The following SOST variants were observed in gnomAD, a reference collection of about 807,000 sequenced individuals.
SOST encodes sclerosteosis.
Under a neutral mutation model 16.7 loss-of-function variants are expected in SOST, and 14 were observed. The ratio of observed to expected loss-of-function variants is 0.84; its 90% CI spans 0.55 to 1.31. SOST has a LOEUF of 1.31. Among genes scored for constraint, SOST ranks in the 50% most tolerant of loss-of-function variants. The probability of loss-of-function intolerance (pLI) is 0.00; values close to 1 mark genes in which losing one functional copy is unlikely to be tolerated. For missense variants in SOST, 291 were observed against 310.7 expected, an observed-to-expected ratio of 0.94 and a Z score of 0.48; for synonymous variants, 150 against 140.9, an observed-to-expected ratio of 1.06 and a Z score of -0.46.
intron 1 of SOST, 152 bp downstream of exon 1, chr17:43,758,370 C>G: frequency 1.5e-6 from 1 of 669,292 alleles, no homozygotes; most frequent in East Asian, 2.7e-5. Flanking sequence ...AGCCATTCTT[C>G]CCCCACCTCC....
chr17:43,755,522 C>T lies in SOST; in HGVS notation c.462G>A (p.Pro154=). The T allele has an allele frequency of 6.3e-7, 1 of 1,596,188 alleles. No individual in the cohort carries two copies. Among genetic ancestry groups the T allele is most frequent in the Non-Finnish European group, 8.5e-7 (1 of 1,177,868 alleles). The change falls in exon 2 of 2, where the codon CCG becomes CCA. Residue 154 remains proline, a synonymous_variant. Coordinates refer to ENST00000301691, the MANE Select transcript of SOST (RefSeq NM_025237.3). This position sits in a 1 kb window ranked among gnomAD's most constrained non-coding sequence, Gnocchi z 4.3. ...CCACCAGGCGCACCTTGCGCGCGCGCGGCGCCTCACCACCGGGACACAGCA... is the reference window on the plus strand; with the variant it reads ...CCACCAGGCGCACCTTGCGCGCGCGTGGCGCCTCACCACCGGGACACAGCA... ...VQLLCPGGEA[P]RARKVRLVAS...
Position 43,755,017 on chromosome 17 carries a change from C to T in SOST, c.*325G>A, listed in dbSNP as rs774855640. ...CACTCCCACACCGCTCCCTTAAAACCCCAGGGCGGTGAAAATGCTTCCATT... is the reference window on the plus strand; with the variant it reads ...CACTCCCACACCGCTCCCTTAAAACTCCAGGGCGGTGAAAATGCTTCCATT... On this transcript the variant is annotated 3_prime_UTR_variant, in exon 2 of 2. Coordinates refer to ENST00000301691, the MANE Select transcript of SOST (RefSeq NM_025237.3). The surrounding 1 kb of genome is among the most constrained non-coding windows in gnomAD (Gnocchi z 4.3). 2.9e-6 allele frequency: 1 copy of T among 343,566 alleles called. No homozygotes were observed. The highest frequency in any genetic ancestry group is 5.2e-6 in the Non-Finnish European group (1 of 190,868). The allele number at this position is 343,566 out of a possible 1,614,324, so 21.3% of individuals were successfully genotyped here. A position where few individuals can be genotyped will look rare whatever the true frequency, so the allele number is the denominator to read the frequency against.
rs1201235150 is a variant in SOST, at chr17:43,755,665, C to A, written c.319G>T (p.Gly107Cys). 4.5e-6 allele frequency: 7 copies of A among 1,568,816 alleles called. No homozygotes were observed. The highest frequency in any genetic ancestry group is 1.8e-5 in the Admixed American group (1 of 55,024). ...AKPVTELVCSGQCGPARLLPN... is the reference protein window; with the variant it reads ...AKPVTELVCSCQCGPARLLPN... ...AGCAGGCGCGCCGGGCCGCACTGGCCGGAGCACACCAGCTCGGTGACCGGC... is the reference window on the plus strand; with the variant it reads ...AGCAGGCGCGCCGGGCCGCACTGGCAGGAGCACACCAGCTCGGTGACCGGC... Residue 107 changes from glycine (G) to cysteine (C), a missense_variant, in exon 2 of 2, where the codon GGC (glycine) becomes TGC (cysteine). Transcript: ENST00000301691. The surrounding 1 kb of genome is among the most constrained non-coding windows in gnomAD (Gnocchi z 4.3).
chr17:43,754,723 G>C lies in SOST; in HGVS notation c.*619C>G, dbSNP rs776180611. On this transcript the variant is annotated 3_prime_UTR_variant, in exon 2 of 2. Transcript: ENST00000301691. The stretch of plus-strand genomic sequence containing the variant: ...TCTCTCACCTCTGCCCATTCAAAAG[G>C]CACTGGAGTCCTTGGAATCATATGC... 4 of 151,892 alleles carry C rather than the reference G, an allele frequency of 2.6e-5. No individual in the cohort carries two copies. Among genetic ancestry groups the C allele is most frequent in the Non-Finnish European group, 2.9e-5 (2 of 67,974 alleles). 9.4% of individuals were successfully genotyped at this position (151,892 alleles called of 1,614,324 possible).
In SOST at chr17:43,755,344, A is replaced by G; in HGVS notation, c.640T>C (p.Ter214GlnextTer64). The G allele has an allele frequency of 1.3e-6, 2 of 1,579,274 alleles. No individual in the cohort carries two copies. Among genetic ancestry groups the G allele is most frequent in the Non-Finnish European group, 1.7e-6 (2 of 1,172,192 alleles). ...ANQAELENAY* is the reference protein window; with the variant it reads ...ANQAELENAYQ ...GTGGGGAGGGGCGCGGGCGGGCTCT[A>G]GTAGGCGTTCTCCAGCTCGGCCTGG... The change falls in exon 2 of 2, where the codon TAG becomes CAG. Residue 214 changes from the stop codon to glutamine, a stop_lost. Coordinates refer to ENST00000301691, the MANE Select transcript of SOST (RefSeq NM_025237.3). This position sits in a 1 kb window ranked among gnomAD's most constrained non-coding sequence, Gnocchi z 4.3.
chr17:43,757,092 A>G (rs1974138501), intron 1 of SOST, among the ~76,000 whole-genome samples: 1 of 152,140 alleles, frequency 6.6e-6, no homozygotes, highest in Admixed American at 6.5e-5. Context: ...GCTGGTTTGC[A>G]TCCTCACCTC....
In SOST at chr17:43,753,993, CT is replaced by C. The variant is rs563385804; in HGVS notation, c.*1348del. ...ATATGTCATGTGCTTCTGTTTAAAA[CT>C]TTTTTTTTTTAACAATTAAAAACTA... is the stretch of plus-strand genomic sequence containing the variant. On this transcript the variant is annotated 3_prime_UTR_variant, in exon 2 of 2. Coordinates refer to ENST00000301691, the MANE Select transcript of SOST (RefSeq NM_025237.3). 0.074 allele frequency: 10,976 copies of C among 148,718 alleles called. 1,337 individuals are homozygous for C. The highest frequency in any genetic ancestry group is 0.25 in the African/African-American group (10,391 of 40,848). 9.2% of individuals were successfully genotyped at this position (148,718 alleles called of 1,614,324 possible).
At position 43,755,188 on chromosome 17, in the gene SOST, G is replaced by T; in HGVS notation, c.*154C>A. ...TGAGGGGGGCCTTGCCGGCGCCCGG[G>T]ATTCCTCAGGGCCTGGAAGGTCTCA... On this transcript the variant is annotated 3_prime_UTR_variant, in exon 2 of 2. Transcript: ENST00000301691. This position sits in a 1 kb window ranked among gnomAD's most constrained non-coding sequence, Gnocchi z 4.3. 3 of 739,936 alleles carry T rather than the reference G, an allele frequency of 4.1e-6. No homozygotes were observed. Among genetic ancestry groups the T allele is most frequent in the Non-Finnish European group, 6.0e-6 (3 of 498,544 alleles). The allele number at this position is 739,936 out of a possible 1,614,324, so 45.8% of individuals were successfully genotyped here.
In SOST at chr17:43,755,509, C is replaced by A; in HGVS notation, c.475G>T (p.Val159Leu). 2 of 1,596,612 alleles carry A rather than the reference C, an allele frequency of 1.3e-6. No individual in the cohort carries two copies. The highest frequency in any genetic ancestry group is 1.1e-5 in the South Asian group (1 of 90,580). The change falls in exon 2 of 2, where the codon GTG becomes TTG. Residue 159 changes from valine (V) to leucine (L), a missense_variant. Physicochemically the swap from Val to Leu is conservative, Grantham distance 32. Transcript: ENST00000301691. This position sits in a 1 kb window ranked among gnomAD's most constrained non-coding sequence, Gnocchi z 4.3. ...CACTTGCACGAGGCCACCAGGCGCA[C>A]CTTGCGCGCGCGCGGCGCCTCACCA... ...PGGEAPRARK[V>L]RLVASCKCKR...
At position 43,753,917 on chromosome 17, in the gene SOST, A is replaced by C. The variant is rs868540684; in HGVS notation, c.*1425T>G. On this transcript the variant is annotated 3_prime_UTR_variant, in exon 2 of 2. Transcript: ENST00000301691. The stretch of plus-strand genomic sequence containing the variant: ...AACCACTACTTTCATTCTTGTGGAC[A>C]AGTCCCACGTGGAAGAATTGCCAAA... 2.0e-5 allele frequency: 3 copies of C among 151,288 alleles called. No homozygotes were observed. In the South Asian group the frequency reaches 6.2e-4, roughly 31 times the overall value. 9.4% of individuals were successfully genotyped at this position (151,288 alleles called of 1,614,324 possible). A position where few individuals can be genotyped will look rare whatever the true frequency, so the allele number is the denominator to read the frequency against.
chr17:43,757,805 G>A lies in SOST; in HGVS notation c.220+717C>T, dbSNP rs117715527. On this transcript the variant is annotated intron_variant, in intron 1 of 1. Transcript: ENST00000301691. ...CCATGTCAGGGGCTAAAACTGTGCC[G>A]AAAACTCCCATTCCTTCAAGTGCCA... Among the ~76,000 whole-genome samples, 306 of 152,230 alleles carry A rather than the reference G, an allele frequency of 2.0e-3. 2 individuals are homozygous for A. The East Asian group carries it at 0.043, about 22-fold the overall frequency.
At chr17:43,756,357 G>A (rs1205603458) in intron 1 of SOST, among the ~76,000 whole-genome samples, 2 of 152,114 alleles carry the variant, frequency 1.3e-5, no homozygotes, top group African/African-American at 4.8e-5. Context: ...ATAAATCAGG[G>A]CAGCTGCTGT....
chr17:43,758,558 C>G lies in SOST; in HGVS notation c.184G>C (p.Gly62Arg). 1 of 1,614,158 alleles carries G rather than the reference C, an allele frequency of 6.2e-7. No homozygotes were observed. Among genetic ancestry groups the G allele is most frequent in the South Asian group, 1.1e-5 (1 of 91,084 alleles). ...AAGGGGTGGTGGGGAGGCCGCCCTC[C>G]GTTCTCCGCCCGGTTCATGGTCTTG... ...NNKTMNRAEN[G>R]GRPPHHPFET... is the part of the protein sequence containing the mutation. The change falls in exon 1 of 2, where the codon GGA becomes CGA. Residue 62 changes from glycine to arginine, a missense_variant. Gly to Arg is a moderately radical substitution (Grantham distance 125). Transcript: ENST00000301691.
In SOST at chr17:43,755,873, G is replaced by T; in HGVS notation, c.221-110C>A. On this transcript the variant is annotated intron_variant, in intron 1 of 1. Coordinates refer to ENST00000301691, the MANE Select transcript of SOST (RefSeq NM_025237.3). This position sits in a 1 kb window ranked among gnomAD's most constrained non-coding sequence, Gnocchi z 4.3. The stretch of plus-strand genomic sequence containing the variant: ...GCTTTTGCCAAGCCTGTCTCCAGAG[G>T]CTTTTGCCCCTGAACATCTATTGCA... The T allele has an allele frequency of 7.7e-7, 1 of 1,305,636 alleles. No individual in the cohort carries two copies. Among genetic ancestry groups the T allele is most frequent in the Non-Finnish European group, 1.0e-6 (1 of 959,238 alleles). 80.9% of individuals were successfully genotyped at this position (1,305,636 alleles called of 1,614,324 possible). A position where few individuals can be genotyped will look rare whatever the true frequency, so the allele number is the denominator to read the frequency against.
chr17:43,755,687 C>A lies in SOST; in HGVS notation c.297G>T (p.Pro99=), dbSNP rs1038749159. The A allele has an allele frequency of 1.3e-6, 2 of 1,563,720 alleles. No homozygotes were observed. The highest frequency in any genetic ancestry group is 2.4e-5 in the East Asian group (1 of 42,458). The change falls in exon 2 of 2, where the codon CCG becomes CCT. Residue 99 remains proline (P), a synonymous_variant. Coordinates refer to ENST00000301691, the MANE Select transcript of SOST (RefSeq NM_025237.3). This position sits in a 1 kb window ranked among gnomAD's most constrained non-coding sequence, Gnocchi z 4.3. ...VTDGPCRSAK[P]VTELVCSGQC... Reference sequence around the variant, plus strand: ...GGCCGGAGCACACCAGCTCGGTGACCGGCTTGGCGCTGCGGCACGGCCCAT... The same window carrying A: ...GGCCGGAGCACACCAGCTCGGTGACAGGCTTGGCGCTGCGGCACGGCCCAT...
At position 43,754,895 on chromosome 17, in the gene SOST, C is replaced by G. The variant is rs1396679473; in HGVS notation, c.*447G>C. On this transcript the variant is annotated 3_prime_UTR_variant, in exon 2 of 2. Transcript: ENST00000301691. ...TAGAAACCACATCTACAGTTGCCCC[C>G]AGTCTTGTGCTCTGGGCACGCCTCA... 1 of 161,236 alleles carries G rather than the reference C, an allele frequency of 6.2e-6. No individual in the cohort carries two copies. The highest frequency in any genetic ancestry group is 2.4e-5 in the African/African-American group (1 of 41,752). The allele number at this position is 161,236 out of a possible 1,614,324, so 10.0% of individuals were successfully genotyped here.
chr17:43,754,614 G>C lies in SOST; in HGVS notation c.*728C>G, dbSNP rs1420221398. 1 of 151,984 alleles carries C rather than the reference G, an allele frequency of 6.6e-6. No homozygotes were observed. The highest frequency in any genetic ancestry group is 1.5e-5 in the Non-Finnish European group (1 of 68,012). The allele number at this position is 151,984 out of a possible 1,614,324, so 9.4% of individuals were successfully genotyped here. ...TGTTTTTCATCTTTGGCTGTCAGAA[G>C]AGAGCATCACAACTCTGAATTCTGG... is the stretch of plus-strand genomic sequence containing the variant. On this transcript the variant is annotated 3_prime_UTR_variant, in exon 2 of 2. Transcript: ENST00000301691.
Position 43,756,137 on chromosome 17 carries a change from A to G in SOST, c.221-374T>C, listed in dbSNP as rs144134625. ...ATACCATTTGGCACATATAGCTGAA[A>G]GCGTCGGCTGTTATGTATTATTATT... On this transcript the variant is annotated intron_variant, in intron 1 of 1. Coordinates refer to ENST00000301691, the MANE Select transcript of SOST (RefSeq NM_025237.3). Among the ~76,000 whole-genome samples, 600 of 152,334 alleles carry G rather than the reference A, an allele frequency of 3.9e-3. 5 individuals are homozygous for G. The highest frequency in any genetic ancestry group is 0.014 in the African/African-American group (569 of 41,572).
chr17:43,754,694 T>A lies in SOST; in HGVS notation c.*648A>T, dbSNP rs1443792424. The stretch of plus-strand genomic sequence containing the variant: ...TGCATTCATTCTCTCTCTTTCTCTC[T>A]CTCTCTCTCACCTCTGCCCATTCAA... On this transcript the variant is annotated 3_prime_UTR_variant, in exon 2 of 2. Coordinates refer to ENST00000301691, the MANE Select transcript of SOST (RefSeq NM_025237.3). 6.6e-6 allele frequency: 1 copy of A among 152,190 alleles called. No homozygotes were observed. Among genetic ancestry groups the A allele is most frequent in the Non-Finnish European group, 1.5e-5 (1 of 68,034 alleles). 9.4% of individuals were successfully genotyped at this position (152,190 alleles called of 1,614,324 possible). A position where few individuals can be genotyped will look rare whatever the true frequency, so the allele number is the denominator to read the frequency against.
Sources: gnomAD v4.1 joint callset for allele counts (sites outside exome capture counted in the v4.1 genomes callset) on GRCh38, gnomAD v4.1.1 for gene constraint, Gnocchi (gnomAD v3.1) non-coding constraint, MANE v1.5 for transcripts, NCBI Gene and HGNC (gene_info 2026-07-23, HGNC 2026-07-21) for gene names.